Variants in DIPK1A observed in about 807,000 individuals in gnomAD.
DIPK1A encodes the protein family with sequence similarity 69 member A.
DIPK1A carries 27 observed loss-of-function variants against 40.8 expected under a neutral mutation model. The ratio of observed to expected loss-of-function variants is 0.66; its 90% CI spans 0.49 to 0.91. The LOEUF (loss-of-function observed/expected upper bound fraction) is 0.91, where lower values mean the gene tolerates loss of function less well. Ranked by LOEUF, DIPK1A falls within the 40% of genes least tolerant of loss-of-function variation. DIPK1A has a pLI of 0.00. For missense variants in DIPK1A, 412 were observed against 505.7 expected, an observed-to-expected ratio of 0.81 and a Z score of 1.78; for synonymous variants, 166 against 171.3, an observed-to-expected ratio of 0.97 and a Z score of 0.24.
intron 2 of DIPK1A, among the ~76,000 whole-genome samples, chr1:92,875,729 AAG>A (rs1298386459): frequency 1.3e-5 from 2 of 151,704 alleles, no homozygotes; most frequent in Non-Finnish European, 2.9e-5. Context: ...AAAAAAAAAA[AAG>A]AGAGAAAGTA....
At chr1:92,841,723 C>A, downstream of DIPK1A, 1 of 1,268,592 alleles carries the variant, frequency 7.9e-7, no homozygotes, top group Non-Finnish European at 1.1e-6. Context: ...ATTCTATTCT[C>A]TTCAGTTATA....
At chr1:92,949,222 AACTT>A (rs1206096533) in intron 1 of DIPK1A, among the ~76,000 whole-genome samples, 1 of 152,132 alleles carries the variant, frequency 6.6e-6, no homozygotes, top group Non-Finnish European at 1.5e-5. Context: ...GAACTTAAAA[AACTT>A]AATAAAGTTA....
At chr1:92,890,700 G>A (rs997895356) in intron 1 of DIPK1A, among the ~76,000 whole-genome samples, 9 of 152,162 alleles carry the variant, frequency 5.9e-5, no homozygotes, top group South Asian at 2.1e-4. Context: ...TCCAGTGTGC[G>A]GCTGGATTCA....
chr1:92,866,484 C>T (rs533502859), intron 2 of DIPK1A, among the ~76,000 whole-genome samples: 1 of 152,172 alleles, frequency 6.6e-6, no homozygotes, highest in East Asian at 1.9e-4. Flanking sequence ...ATTCATAGAT[C>T]CTTTCTTTCT....
Position 92,935,581 on chromosome 1 carries a change from C to T in DIPK1A, c.54+25795G>A, listed in dbSNP as rs192807619. Among the ~76,000 whole-genome samples the T allele has an allele frequency of 1.6e-3, 244 of 152,254 alleles. 1 individual carries two copies. The highest frequency in any genetic ancestry group is 5.4e-3 in the African/African-American group (226 of 41,538). On this transcript the variant is annotated intron_variant, in intron 1 of 4. Transcript: ENST00000370310. ...TGCTATCCCTGCTACTGACTAGCTG[C>T]GTGACCTGAACATGTTTCGTCCTTA...
chr1:92,941,759 A>G lies in DIPK1A; in HGVS notation c.54+19617T>C, dbSNP rs560338862. ...GCAGAGCAATGTTAGGAAAAACTACATCGGGAATTCAAAAATCTAGAAATT... is the reference window on the plus strand; with the variant it reads ...GCAGAGCAATGTTAGGAAAAACTACGTCGGGAATTCAAAAATCTAGAAATT... On this transcript the variant is annotated intron_variant, in intron 1 of 4. Transcript: ENST00000370310. Among the ~76,000 whole-genome samples the G allele has an allele frequency of 1.7e-3, 264 of 152,340 alleles. 2 individuals are homozygous for G. The highest frequency in any genetic ancestry group is 6.1e-3 in the African/African-American group (252 of 41,580).
intron 1 of DIPK1A, among the ~76,000 whole-genome samples, chr1:92,884,954 A>G (rs1477005984): frequency 6.6e-6 from 1 of 152,230 alleles, no homozygotes; most frequent in Non-Finnish European, 1.5e-5. Context: ...TTAAAAAATA[A>G]TTAACTTTAA....
intron 1 of DIPK1A, among the ~76,000 whole-genome samples, chr1:92,914,581 C>A (rs1355185833): frequency 1.3e-5 from 2 of 151,694 alleles, no homozygotes; most frequent in African/African-American, 4.8e-5. Context: ...CCAGCCTGGC[C>A]AACATGGTGA....
Position 92,846,811 on chromosome 1 carries a change from A to ATATATATATGTGTG in DIPK1A, c.474+371_474+372insCACACATATATATA, listed in dbSNP as rs1687622280. The stretch of plus-strand genomic sequence containing the variant: ...TCCTGGCATATATATATATATATAT[A>ATATATATATGTGTG]TATATATATATATATATATATATAT... On this transcript the variant is annotated intron_variant, in intron 4 of 4. Transcript: ENST00000370310. 2.8e-3 allele frequency among the ~76,000 whole-genome samples: 9 copies of ATATATATATGTGTG among 3,198 alleles called. 1 individual carries two copies. Among genetic ancestry groups the ATATATATATGTGTG allele is most frequent in the African/African-American group, 7.0e-3 (3 of 430 alleles). 2.1% of individuals were successfully genotyped at this position (3,198 alleles called of 152,430 possible).
intron 1 of DIPK1A, among the ~76,000 whole-genome samples, chr1:92,957,799 A>G (rs761894044): frequency 2.0e-5 from 3 of 152,250 alleles, no homozygotes; most frequent in Non-Finnish European, 2.9e-5. Flanking sequence ...AGGTTTTAGT[A>G]TATTCACATA....
intron 2 of DIPK1A, among the ~76,000 whole-genome samples, chr1:92,866,955 T>C (rs1647573670): frequency 6.6e-6 from 1 of 152,186 alleles, no homozygotes; most frequent in South Asian, 2.1e-4. Context: ...CCTGATTAAA[T>C]AATGTGTGTG....
intron 2 of DIPK1A, among the ~76,000 whole-genome samples, chr1:92,856,009 C>G (rs937805487): frequency 6.6e-6 from 1 of 151,962 alleles, no homozygotes; most frequent in African/African-American, 2.4e-5. Context: ...CCCTGGAGGT[C>G]AAGGCTGCAG....
intron 1 of DIPK1A, among the ~76,000 whole-genome samples, chr1:92,884,653 A>T (rs1240841556): frequency 6.6e-6 from 1 of 152,170 alleles, no homozygotes; most frequent in Admixed American, 6.5e-5. Flanking sequence ...TAAAACATAC[A>T]ATAGCCATAC....
At chr1:92,933,813 A>G (rs1650849019) in intron 1 of DIPK1A, 1 of 152,240 alleles carries the variant, frequency 6.6e-6, no homozygotes, top group Non-Finnish European at 1.5e-5. Flanking sequence ...AGGGCTTTAA[A>G]TGCTTGACAG....
At chr1:92,886,340 T>C (rs2100793288) in intron 1 of DIPK1A, among the ~76,000 whole-genome samples, 1 of 151,848 alleles carries the variant, frequency 6.6e-6, no homozygotes, top group South Asian at 2.1e-4. Flanking sequence ...AAAAAAAAAA[T>C]TGATATTAAA....
chr1:92,875,003 G>C (rs900910167), intron 2 of DIPK1A, among the ~76,000 whole-genome samples: 1 of 152,052 alleles, frequency 6.6e-6, no homozygotes, highest in African/African-American at 2.4e-5. Flanking sequence ...TTTGAACCTT[G>C]ACTTAGGACT....
At position 92,882,966 on chromosome 1, in the gene DIPK1A, G is replaced by A. The variant is rs189950909; in HGVS notation, c.55-6536C>T. Among the ~76,000 whole-genome samples, 33 of 152,278 alleles carry A rather than the reference G, an allele frequency of 2.2e-4. No homozygotes were observed. The East Asian group carries it at 3.7e-3, about 17-fold the overall frequency. ...TGTTAAACAGCTTTGGCTCTAACTCGGTTGTGCCAGGAGGAAGTCTAAAGA... is the reference window on the plus strand; with the variant it reads ...TGTTAAACAGCTTTGGCTCTAACTCAGTTGTGCCAGGAGGAAGTCTAAAGA... On this transcript the variant is annotated intron_variant, in intron 1 of 4. Coordinates refer to ENST00000370310, the MANE Select transcript of DIPK1A (RefSeq NM_001006605.5).
rs1379873695 is a variant in DIPK1A at position 92,842,399 on chromosome 1, A to AT, written c.*983dup. The AT allele has an allele frequency of 2.0e-6, 2 of 982,020 alleles. No homozygotes were observed. The highest frequency in any genetic ancestry group is 2.4e-6 in the Non-Finnish European group (2 of 826,894). 60.8% of individuals were successfully genotyped at this position (982,020 alleles called of 1,614,324 possible). The stretch of plus-strand genomic sequence containing the variant: ...ATTTTATGGAGATGTTGAAAGGTAC[A>AT]TGCCAAATCTGAGTATACGTGTGAA... On this transcript the variant is annotated 3_prime_UTR_variant, in exon 5 of 5. Transcript: ENST00000370310.
intron 1 of DIPK1A, among the ~76,000 whole-genome samples, chr1:92,923,263 C>T (rs771501030): frequency 4.6e-5 from 7 of 152,102 alleles, no homozygotes; most frequent in Admixed American, 6.5e-5. Flanking sequence ...CTCAGCCTTC[C>T]GAGTAGCTGG....
Sources: allele counts gnomAD v4.1 joint callset (sites outside exome capture counted in the v4.1 genomes callset), GRCh38; gene constraint gnomAD v4.1.1; transcripts MANE v1.5; gene names NCBI Gene and HGNC (gene_info 2026-07-23, HGNC 2026-07-21).